Variants in AEBP2 observed in about 807,000 individuals in gnomAD.
AEBP2 encodes the protein zinc finger protein AEBP2.
Under a neutral mutation model 50.8 loss-of-function variants are expected in AEBP2, and 10 were observed. The observed-to-expected ratio is 0.20, with a 90% CI of 0.12 to 0.33. The LOEUF is 0.33. Ranked by LOEUF, AEBP2 falls within the 10% of genes least tolerant of loss-of-function variation. The pLI is 1.00. For missense variants in AEBP2, 570 were observed against 688.0 expected, an observed-to-expected ratio of 0.83 and a Z score of 1.92; for synonymous variants, 296 against 261.3, an observed-to-expected ratio of 1.13 and a Z score of -1.28.
chr12:19,417,599 G>A (rs2095743309), intron 1 of AEBP2, among the ~76,000 whole-genome samples: 2 of 151,860 alleles, frequency 1.3e-5, no homozygotes, highest in Admixed American at 1.3e-4. Flanking sequence ...GTAGAGACGG[G>A]GTTTCTCCAT....
chr12:19,441,186 A>G (rs1303935929), intron 1 of AEBP2, among the ~76,000 whole-genome samples: 6 of 152,224 alleles, frequency 3.9e-5, no homozygotes, highest in African/African-American at 1.4e-4. Context: ...AAAGTCATGC[A>G]TTGGAGAGGT....
At chr12:19,477,634 C>G (rs572010065) in intron 3 of AEBP2, among the ~76,000 whole-genome samples, 27 of 152,170 alleles carry the variant, frequency 1.8e-4, no homozygotes, top group African/African-American at 5.8e-4. Context: ...GGTATGAAAC[C>G]CACTTGATCA....
chr12:19,417,569 G>A (rs921121879), intron 1 of AEBP2, among the ~76,000 whole-genome samples: 54 of 151,580 alleles, frequency 3.6e-4, no homozygotes, highest in African/African-American at 1.2e-3. Context: ...CACCACACCC[G>A]GCCAATTTTT....
intron 3 of AEBP2, among the ~76,000 whole-genome samples, chr12:19,485,358 A>G (rs991902346): frequency 1.3e-5 from 2 of 152,162 alleles, no homozygotes; most frequent in Non-Finnish European, 2.9e-5. Context: ...TCAACAAAAC[A>G]TTGATGTCTG....
At chr12:19,419,030 G>T in intron 1 of AEBP2, 1 of 161,322 alleles carries the variant, frequency 6.2e-6, no homozygotes, top group South Asian at 1.8e-4. Context: ...AGCTAAACCA[G>T]ACATCGCCAG....
chr12:19,443,049 AGTT>A lies in AEBP2; in HGVS notation c.671+2680_671+2682del, dbSNP rs1947991147. 2.0e-5 allele frequency among the ~76,000 whole-genome samples: 3 copies of A among 151,848 alleles called. No individual in the cohort carries two copies. The South Asian group carries it at 6.2e-4, about 31-fold the overall frequency. On this transcript the variant is annotated intron_variant, in intron 1 of 7. Coordinates refer to ENST00000266508, the MANE Select transcript of AEBP2 (RefSeq NM_153207.5). ...TCGTTTTGGTTACGTTGTGCTTTTTAGTTTATCTGATATGCTCTAGAATTTGTT... is the reference window on the plus strand; with the variant it reads ...TCGTTTTGGTTACGTTGTGCTTTTTATATCTGATATGCTCTAGAATTTGTT...
In AEBP2 at chr12:19,462,573, G is replaced by C; in HGVS notation, c.735G>C (p.Met245Ile). The change falls in exon 2 of 8, where the codon ATG (methionine) becomes ATC (isoleucine). Residue 245 changes from methionine to isoleucine, a missense_variant. Met to Ile is a conservative substitution (Grantham distance 10, BLOSUM62 1). This residue lies in a region of AEBP2 where 184 missense variants were observed against 351.2 expected (regional missense o/e 0.52). Coordinates refer to ENST00000266508, the MANE Select transcript of AEBP2 (RefSeq NM_153207.5). ...TISSGRSTPA[M>I]MNGQGSTTSS... ...CCAGTGGGCGTTCAACTCCAGCAAT[G>C]ATGAATGGACAAGGAAGCACTACTT... The C allele has an allele frequency of 1.9e-6, 3 of 1,613,756 alleles. No individual in the cohort carries two copies. Among genetic ancestry groups the C allele is most frequent in the Non-Finnish European group, 2.5e-6 (3 of 1,179,816 alleles).
intron 1 of AEBP2, among the ~76,000 whole-genome samples, chr12:19,412,200 A>G (rs11044537): frequency 0.022 from 3,417 of 152,356 alleles, 47 homozygotes; most frequent in East Asian, 0.043. Flanking sequence ...AAGATTCAAA[A>G]TTGAAGTCAC....
chr12:19,509,082 G>A, intron 5 of AEBP2: 1 of 571,956 alleles, frequency 1.7e-6, no homozygotes, highest in South Asian at 1.8e-5. Context: ...CGTGCTGTGA[G>A]ACCTAAAGTT....
At chr12:19,415,283 A>T (rs2153363701) in intron 1 of AEBP2, among the ~76,000 whole-genome samples, 1 of 132,404 alleles carries the variant, frequency 7.6e-6, no homozygotes, top group African/African-American at 2.8e-5. Context: ...ACTGCACTCC[A>T]GCCTGGATGA....
intron 1 of AEBP2, among the ~76,000 whole-genome samples, chr12:19,410,224 A>C (rs1204316136): frequency 1.3e-5 from 2 of 152,200 alleles, no homozygotes; most frequent in Non-Finnish European, 2.9e-5. Context: ...CTTATCTGAC[A>C]GAGCTGGAGC....
intron 1 of AEBP2, among the ~76,000 whole-genome samples, chr12:19,447,884 C>T (rs545033347): frequency 6.6e-5 from 10 of 152,012 alleles, no homozygotes; most frequent in Non-Finnish European, 1.2e-4. Context: ...ATTTGGAGCT[C>T]GAATGCGAGG....
At chr12:19,477,953 A>G (rs1183879727) in intron 3 of AEBP2, among the ~76,000 whole-genome samples, 3 of 151,916 alleles carry the variant, frequency 2.0e-5, no homozygotes, top group Admixed American at 1.3e-4. Flanking sequence ...TCTCCTCTAC[A>G]TTTTCTACTT....
intron 1 of AEBP2, among the ~76,000 whole-genome samples, chr12:19,458,378 A>G (rs1419460221): frequency 6.6e-6 from 1 of 152,164 alleles, no homozygotes; most frequent in Non-Finnish European, 1.5e-5. Flanking sequence ...GGCCCTGTTC[A>G]GCTTGGGGGA....
chr12:19,429,153 G>C (rs1156737359), intron 1 of AEBP2, among the ~76,000 whole-genome samples: 3 of 152,112 alleles, frequency 2.0e-5, no homozygotes, highest in African/African-American at 7.2e-5. Flanking sequence ...ACAGGCCCCG[G>C]TGTGTGATGT....
intron 1 of AEBP2, among the ~76,000 whole-genome samples, chr12:19,446,913 A>G (rs1948080027): frequency 6.6e-6 from 1 of 152,082 alleles, no homozygotes; most frequent in South Asian, 2.1e-4. Context: ...GGTGACAGCA[A>G]GACTCTCACA....
chr12:19,446,545 C>T (rs1167577712), intron 1 of AEBP2, among the ~76,000 whole-genome samples: 4 of 151,986 alleles, frequency 2.6e-5, no homozygotes, highest in South Asian at 2.1e-4. Flanking sequence ...CTGGCTAACA[C>T]GGTGAAACCC....
At chr12:19,504,749 A>G (rs1391814098) in intron 5 of AEBP2, among the ~76,000 whole-genome samples, 1 of 152,162 alleles carries the variant, frequency 6.6e-6, no homozygotes, top group Non-Finnish European at 1.5e-5. Context: ...CAGCAAATAT[A>G]CCAATTAAAT....
intron 1 of AEBP2, among the ~76,000 whole-genome samples, chr12:19,414,469 A>G (rs544376812): frequency 6.6e-6 from 1 of 152,138 alleles, no homozygotes. Context: ...AGTGCCTAAG[A>G]TTTTCAGGGA....
Sources: gnomAD v4.1 joint callset for allele counts (sites outside exome capture counted in the v4.1 genomes callset) on GRCh38, gnomAD v4.1.1 for gene constraint, gnomAD v4.1.1 regional missense constraint, MANE v1.5 for transcripts, NCBI Gene and HGNC (gene_info 2026-07-23, HGNC 2026-07-21) for gene names.